ASAP1: variants seen among roughly 807,000 people sequenced by gnomAD.
ASAP1 encodes the protein ArfGAP with SH3 domain, ankyrin repeat and PH domain 1.
In ASAP1, 43 loss-of-function variants were observed where a neutral mutation model predicts 145.2. That is an observed-to-expected ratio of 0.30 (90% CI 0.23 to 0.38). The LOEUF is 0.38. Among genes scored for constraint, ASAP1 ranks in the 10% least tolerant of loss-of-function variants. ASAP1 has a pLI of 1.00. For missense variants in ASAP1, 1,018 were observed against 1,355.3 expected (o/e 0.75, Z 3.91); for synonymous variants, 546 against 515.5 (o/e 1.06, Z -0.80).
chr8:130,364,455 G>C (rs1391888374), intron 2 of ASAP1, among the ~76,000 whole-genome samples: 1 of 152,218 alleles, frequency 6.6e-6, no homozygotes, highest in Non-Finnish European at 1.5e-5. Context: ...CTGAAGCTTA[G>C]AGGTTACCTG....
At chr8:130,175,366 G>A (rs935424967) in intron 9 of ASAP1, among the ~76,000 whole-genome samples, 4 of 152,044 alleles carry the variant, frequency 2.6e-5, no homozygotes, top group Non-Finnish European at 4.4e-5. Flanking sequence ...GAAAATAGGC[G>A]TGTGCCACCA....
intron 3 of ASAP1, among the ~76,000 whole-genome samples, chr8:130,291,306 A>T (rs1225452649): frequency 6.6e-6 from 1 of 152,238 alleles, no homozygotes; most frequent in African/African-American, 2.4e-5. Flanking sequence ...TATACATTCT[A>T]AGCATATTAA....
intron 2 of ASAP1, among the ~76,000 whole-genome samples, chr8:130,368,112 T>TTC (rs1345077290): frequency 6.6e-6 from 1 of 152,250 alleles, no homozygotes; most frequent in East Asian, 1.9e-4. Context: ...AGCATCCAGC[T>TTC]TCTGTTCCCT....
rs201240224 is a variant in ASAP1, at chr8:130,118,213, G to T, written c.1828C>A (p.Arg610=). 1.2e-6 allele frequency: 2 copies of T among 1,613,868 alleles called. No homozygotes were observed. The highest frequency in any genetic ancestry group is 1.7e-6 in the Non-Finnish European group (2 of 1,179,864). The change falls in exon 20 of 30, where the codon CGA becomes AGA. Residue 610 remains arginine, a synonymous_variant. Transcript: ENST00000518721. ...LGETALHLAV[R]TADQTSLHLV... ...TGGAGAGATGTCTGATCTGCAGTTCGGACGGCAAGGTGAAGGGCTGTCTCC... is the reference window on the plus strand; with the variant it reads ...TGGAGAGATGTCTGATCTGCAGTTCTGACGGCAAGGTGAAGGGCTGTCTCC...
chr8:130,098,548 G>T lies in ASAP1; in HGVS notation c.2402-6405C>A, dbSNP rs183488951. On this transcript the variant is annotated intron_variant, in intron 24 of 29. Coordinates refer to ENST00000518721, the MANE Select transcript of ASAP1 (RefSeq NM_018482.4). ...TTTAGTAGAGACAAGGTTTCACCAT[G>T]TTGGCCACCTAGGCTGGGCTCAAAC... Among the ~76,000 whole-genome samples the T allele has an allele frequency of 2.0e-3, 309 of 152,224 alleles. 1 individual carries two copies. The highest frequency in any genetic ancestry group is 0.01 in the Middle Eastern group (3 of 294).
intron 3 of ASAP1, among the ~76,000 whole-genome samples, chr8:130,258,448 C>T (rs1819698208): frequency 6.6e-6 from 1 of 152,208 alleles, no homozygotes; most frequent in Non-Finnish European, 1.5e-5. Context: ...ACTTCCTCCA[C>T]CCTTAAGTCC....
chr8:130,299,353 C>T (rs752012387), intron 3 of ASAP1, among the ~76,000 whole-genome samples: 2 of 152,306 alleles, frequency 1.3e-5, no homozygotes, highest in South Asian at 2.1e-4. Flanking sequence ...TAATGCTACA[C>T]GTATGCACAG....
chr8:130,391,585 G>A (rs560473374), intron 2 of ASAP1, among the ~76,000 whole-genome samples: 1 of 152,280 alleles, frequency 6.6e-6, no homozygotes, highest in East Asian at 1.9e-4. Context: ...AATCTATCCT[G>A]CTGCACCTAG....
chr8:130,258,427 T>A (rs1819697315), intron 3 of ASAP1, among the ~76,000 whole-genome samples: 2 of 152,240 alleles, frequency 1.3e-5, no homozygotes, highest in African/African-American at 2.4e-5. Context: ...ACCACCCTGA[T>A]AATTCACTAA....
chr8:130,188,262 A>T (rs1276221127), intron 5 of ASAP1, 79 bp from the exon 6 acceptor site: 6 of 1,113,826 alleles, frequency 5.4e-6, no homozygotes, highest in Non-Finnish European at 8.2e-6. Context: ...CTATTGACTG[A>T]GCATTTTCCA....
chr8:130,088,500 G>C (rs2135397680), intron 25 of ASAP1, among the ~76,000 whole-genome samples: 1 of 152,246 alleles, frequency 6.6e-6, no homozygotes, highest in South Asian at 2.1e-4. Flanking sequence ...GCGGCAGTGG[G>C]GAGATGACCA....
intron 5 of ASAP1, among the ~76,000 whole-genome samples, chr8:130,205,835 G>A (rs1246979881): frequency 6.6e-6 from 1 of 151,934 alleles, no homozygotes; most frequent in East Asian, 1.9e-4. Context: ...TCACCCTTCT[G>A]AAATCGGTAA....
intron 24 of ASAP1, among the ~76,000 whole-genome samples, chr8:130,099,989 C>T (rs2097525842): frequency 6.6e-6 from 1 of 152,070 alleles, no homozygotes; most frequent in Admixed American, 6.6e-5. Flanking sequence ...TGCAGGTATC[C>T]CTTTAATATA....
chr8:130,112,424 T>C (rs1057226660), intron 23 of ASAP1, 102 bp from the exon 24 acceptor site: 2 of 945,280 alleles, frequency 2.1e-6, no homozygotes, highest in African/African-American at 3.3e-5. Context: ...TGGGTTCCTG[T>C]GGCTCTCTGA....
At chr8:130,188,297 T>C (rs1814882582) in intron 5 of ASAP1, 114 bp from the exon 6 acceptor site, 3 of 773,756 alleles carry the variant, frequency 3.9e-6, no homozygotes, top group Non-Finnish European at 6.7e-6. Context: ...TTGAAGGGCT[T>C]TCCATGCATT....
chr8:130,186,635 C>T (rs1814749529), intron 7 of ASAP1, among the ~76,000 whole-genome samples: 1 of 152,114 alleles, frequency 6.6e-6, no homozygotes, highest in Non-Finnish European at 1.5e-5. Context: ...ACTTCAGTGC[C>T]CATGCTATGC....
intron 3 of ASAP1, among the ~76,000 whole-genome samples, chr8:130,251,966 C>G (rs1411869245): frequency 6.6e-6 from 1 of 152,142 alleles, no homozygotes; most frequent in African/African-American, 2.4e-5. Flanking sequence ...TTACATTTGA[C>G]ATAGTAAATC....
intron 27 of ASAP1, among the ~76,000 whole-genome samples, chr8:130,063,922 G>A (rs1397116939): frequency 5.3e-5 from 8 of 152,162 alleles, no homozygotes; most frequent in Admixed American, 5.2e-4. Flanking sequence ...GTTACCAGAG[G>A]GTGAGGGCAG....
intron 27 of ASAP1, among the ~76,000 whole-genome samples, chr8:130,072,822 T>TGCGCGCGCGC (rs1268452732): frequency 3.8e-5 from 1 of 26,036 alleles, no homozygotes; most frequent in Admixed American, 6.2e-4. Flanking sequence ...TGTGTGTGTG[T>TGCGCGCGCGC]GTGCGCGCGG....
Sources: gnomAD v4.1 joint callset for allele counts (sites outside exome capture counted in the v4.1 genomes callset) on GRCh38, gnomAD v4.1.1 for gene constraint, MANE v1.5 for transcripts, NCBI Gene and HGNC (gene_info 2026-07-23, HGNC 2026-07-21) for gene names.